Variants in SPAST observed in about 807,000 individuals in gnomAD.
SPAST encodes spastic paraplegia 4 (autosomal dominant; spastin).
SPAST carries 30 observed loss-of-function variants against 76.6 expected under a neutral mutation model. The ratio of observed to expected loss-of-function variants is 0.39; its 90% CI spans 0.29 to 0.53. The LOEUF is 0.53. Ranked by LOEUF, SPAST falls within the 20% of genes least tolerant of loss-of-function variation. The probability of loss-of-function intolerance (pLI) is 0.68; values close to 1 mark genes in which losing one functional copy is unlikely to be tolerated. For missense variants in SPAST, 717 were observed against 770.5 expected (o/e 0.93, Z 0.82); for synonymous variants, 305 against 281.0 (o/e 1.09, Z -0.86).
intron 9 of SPAST, 136 bp from the exon 10 acceptor site, chr2:32,136,427 C>A: frequency 2.8e-6 from 2 of 706,238 alleles, no homozygotes. Flanking sequence ...AGTACTCTCC[C>A]CTTTCTCAAA....
At chr2:32,110,753 TATA>T (rs955007868) in intron 4 of SPAST, among the ~76,000 whole-genome samples, 32 of 140,972 alleles carry the variant, frequency 2.3e-4, no homozygotes, top group Admixed American at 2.1e-3. Context: ...GTATATATAG[TATA>T]GTATATATAG....
chr2:32,109,792 A>G (rs557939140), intron 4 of SPAST, among the ~76,000 whole-genome samples: 1 of 148,450 alleles, frequency 6.7e-6, no homozygotes, highest in Admixed American at 6.7e-5. Context: ...ACATACATAT[A>G]TAGTTACATA....
At chr2:32,152,065 T>C (rs916880351) in intron 16 of SPAST, among the ~76,000 whole-genome samples, 8 of 152,206 alleles carry the variant, frequency 5.3e-5, no homozygotes, top group Admixed American at 3.9e-4. Context: ...TTAAGTACCT[T>C]GTGTATCTAA....
intron 13 of SPAST, 143 bp downstream of exon 13, chr2:32,142,089 T>C (rs930690426): frequency 7.4e-6 from 5 of 675,286 alleles, no homozygotes; most frequent in South Asian, 4.0e-5. Flanking sequence ...ATAAGCTTAC[T>C]GTCAGAGCCA....
At chr2:32,084,911 GGGAA>G (rs1677410704) in intron 1 of SPAST, among the ~76,000 whole-genome samples, 1 of 145,282 alleles carries the variant, frequency 6.9e-6, no homozygotes, top group Non-Finnish European at 1.5e-5. Flanking sequence ...AAAAAAAAAA[GGGAA>G]GGAGCATGGG....
At chr2:32,141,040 G>A (rs1398634820) in intron 12 of SPAST, among the ~76,000 whole-genome samples, 1 of 150,400 alleles carries the variant, frequency 6.6e-6, no homozygotes, top group African/African-American at 2.4e-5. Flanking sequence ...GGAAAACCTA[G>A]TTTTGGAAGG....
intron 16 of SPAST, among the ~76,000 whole-genome samples, chr2:32,147,850 C>G (rs1679946989): frequency 6.6e-6 from 1 of 151,190 alleles, no homozygotes; most frequent in Non-Finnish European, 1.5e-5. Context: ...CCAGGATGGT[C>G]TCTGTCTCCT....
intron 4 of SPAST, among the ~76,000 whole-genome samples, chr2:32,106,393 C>T (rs916260123): frequency 6.6e-6 from 1 of 152,184 alleles, no homozygotes; most frequent in Non-Finnish European, 1.5e-5. Context: ...GGGAATTCCC[C>T]AACCCCTTGC....
intron 10 of SPAST, 27 bp from the exon 11 acceptor site, chr2:32,136,850 A>G (rs1260850288): frequency 6.4e-7 from 1 of 1,568,466 alleles, no homozygotes; most frequent in South Asian, 1.1e-5. Flanking sequence ...GTCTTTAATT[A>G]AAGTCTTATA....
intron 16 of SPAST, among the ~76,000 whole-genome samples, chr2:32,152,662 G>A (rs1358645896): frequency 6.6e-6 from 1 of 152,024 alleles, no homozygotes; most frequent in Non-Finnish European, 1.5e-5. Flanking sequence ...TTAGGAAGAG[G>A]CAGTGTGTGT....
intron 7 of SPAST, chr2:32,126,668 G>A (rs750258655): frequency 4.5e-6 from 1 of 224,504 alleles, no homozygotes; most frequent in Non-Finnish European, 8.6e-6. Context: ...TTAATTTTTT[G>A]TAGAAGCAGA....
rs375850129 is a variant in SPAST, at chr2:32,089,218, T to TTTTTTTTCTTTC, written c.503-304_503-303insTTTTTTTCTTTC. Among the ~76,000 whole-genome samples the TTTTTTTTCTTTC allele has an allele frequency of 2.8e-4, 37 of 129,992 alleles. 3 individuals are homozygous for TTTTTTTTCTTTC. The highest frequency in any genetic ancestry group is 2.6e-4 in the Non-Finnish European group (16 of 61,786). The allele number at this position is 129,992 out of a possible 152,430, so 85.3% of individuals were successfully genotyped here. On this transcript the variant is annotated intron_variant, in intron 2 of 16. Transcript: ENST00000315285. ...CGGCTAATTTTTTTTTTTTTTTTTT[T>TTTTTTTTCTTTC]AAGTAGAGACCAGATCTCTTTATGT... is the stretch of plus-strand genomic sequence containing the variant.
chr2:32,122,142 C>G (rs1392226490), intron 7 of SPAST, among the ~76,000 whole-genome samples: 1 of 152,092 alleles, frequency 6.6e-6, no homozygotes, highest in Admixed American at 6.6e-5. Flanking sequence ...TTGGGTTTCT[C>G]CAAATGGCTA....
At chr2:32,118,769 C>T (rs1488942366) in intron 7 of SPAST, among the ~76,000 whole-genome samples, 1 of 152,118 alleles carries the variant, frequency 6.6e-6, no homozygotes, top group Non-Finnish European at 1.5e-5. Context: ...CTAATTCTTA[C>T]ATTTATTTAT....
At chr2:32,145,712 T>C (rs979774745) in intron 15 of SPAST, among the ~76,000 whole-genome samples, 1 of 152,196 alleles carries the variant, frequency 6.6e-6, no homozygotes, top group African/African-American at 2.4e-5. Flanking sequence ...TCAGGTTACT[T>C]GGTTGATTCT....
chr2:32,125,746 C>T (rs1231784232), intron 7 of SPAST, among the ~76,000 whole-genome samples: 1 of 152,066 alleles, frequency 6.6e-6, no homozygotes, highest in East Asian at 1.9e-4. Flanking sequence ...TGCTTGACTG[C>T]CTTTGGTGGG....
chr2:32,070,066 AAAT>A (rs1435142964), intron 1 of SPAST, among the ~76,000 whole-genome samples: 84 of 128,190 alleles, frequency 6.6e-4, no homozygotes, highest in African/African-American at 2.0e-3. Flanking sequence ...AAAAAAAAAA[AAAT>A]TTTTTTTTTT....
intron 9 of SPAST, chr2:32,128,920 G>A (rs368551935): frequency 1.2e-4 from 25 of 214,778 alleles, no homozygotes; most frequent in Non-Finnish European, 2.2e-4. Flanking sequence ...TTATCTTTAT[G>A]TGGCATTCTC....
At chr2:32,066,932 C>G (rs1676535107) in intron 1 of SPAST, among the ~76,000 whole-genome samples, 1 of 116,048 alleles carries the variant, frequency 8.6e-6, no homozygotes, top group African/African-American at 3.4e-5. Context: ...TGAGATCGTG[C>G]AACTGCACTC....
Sources: allele counts gnomAD v4.1 joint callset (sites outside exome capture counted in the v4.1 genomes callset), GRCh38; gene constraint gnomAD v4.1.1; transcripts MANE v1.5; gene names NCBI Gene and HGNC (gene_info 2026-07-23, HGNC 2026-07-21).